Variants in PITPNC1 observed in about 807,000 individuals in gnomAD.
PITPNC1 encodes cytoplasmic phosphatidylinositol transfer protein 1.
A neutral mutation model predicts 44.7 loss-of-function variants in PITPNC1; 18 were observed. The observed-to-expected ratio is 0.40, with a 90% CI of 0.28 to 0.60. The LOEUF (loss-of-function observed/expected upper bound fraction) is 0.60. Among genes scored for constraint, PITPNC1 ranks in the 20% least tolerant of loss-of-function variants. The pLI is 0.39. For synonymous variants in PITPNC1, 141 were observed against 149.6 expected (o/e 0.94, Z 0.42); for missense variants, 290 against 418.4 (o/e 0.69, Z 2.68).
chr17:67,647,933 G>A (rs2042170725), intron 6 of PITPNC1, among the ~76,000 whole-genome samples: 2 of 152,182 alleles, frequency 1.3e-5, no homozygotes, highest in South Asian at 2.1e-4. Context: ...ACAGCCTGAA[G>A]AATCCACTCA....
At chr17:67,484,765 T>G (rs1030662087) in intron 1 of PITPNC1, among the ~76,000 whole-genome samples, 1 of 152,000 alleles carries the variant, frequency 6.6e-6, no homozygotes, top group African/African-American at 2.4e-5. Context: ...TGGTGAAACC[T>G]AGACTCTACT....
chr17:67,394,179 A>C (rs1321656524), intron 1 of PITPNC1, among the ~76,000 whole-genome samples: 3 of 152,010 alleles, frequency 2.0e-5, no homozygotes. Flanking sequence ...TGATTCTTAG[A>C]TCAAAAGCAG....
chr17:67,486,284 A>G (rs1598732190), intron 1 of PITPNC1, among the ~76,000 whole-genome samples: 1 of 152,170 alleles, frequency 6.6e-6, no homozygotes, highest in Non-Finnish European at 1.5e-5. Context: ...AACACTCAAT[A>G]TATATTGATG....
At chr17:67,510,360 C>G (rs1301674853) in intron 1 of PITPNC1, among the ~76,000 whole-genome samples, 1 of 152,238 alleles carries the variant, frequency 6.6e-6, no homozygotes, top group Non-Finnish European at 1.5e-5. Flanking sequence ...TGCCTTGTCA[C>G]TAATCCCTGC....
chr17:67,586,354 G>A lies in PITPNC1; in HGVS notation c.366+8097G>A, dbSNP rs561822859. Among the ~76,000 whole-genome samples the A allele has an allele frequency of 9.9e-5, 15 of 151,690 alleles. 1 individual carries two copies. The South Asian group carries it at 1.5e-3, about 15-fold the overall frequency. ...TTCCAGCACTTTGGGAGGCTGAAGC[G>A]GGCAGATTACCTGAGGTCAGGAGTT... On this transcript the variant is annotated intron_variant, in intron 5 of 8. Transcript: ENST00000581322.
intron 1 of PITPNC1, among the ~76,000 whole-genome samples, chr17:67,378,718 C>G (rs1413758097): frequency 1.3e-5 from 2 of 152,210 alleles, no homozygotes; most frequent in African/African-American, 4.8e-5. Context: ...GGCCCGACTT[C>G]TCGCCGTCGC....
chr17:67,617,700 C>A (rs1011512522), intron 5 of PITPNC1, among the ~76,000 whole-genome samples: 1 of 152,094 alleles, frequency 6.6e-6, no homozygotes, highest in African/African-American at 2.4e-5. Flanking sequence ...TGGCTCCAGG[C>A]GTTTCTTGGC....
At chr17:67,606,672 G>A (rs902409879) in intron 5 of PITPNC1, among the ~76,000 whole-genome samples, 1 of 152,086 alleles carries the variant, frequency 6.6e-6, no homozygotes, top group African/African-American at 2.4e-5. Context: ...ATATTAAACA[G>A]GCATAGAGCC....
At chr17:67,419,934 G>C (rs2038647223) in intron 1 of PITPNC1, among the ~76,000 whole-genome samples, 1 of 151,792 alleles carries the variant, frequency 6.6e-6, no homozygotes, top group South Asian at 2.1e-4. Flanking sequence ...AAAAGAGAGA[G>C]AGAGAGAAAA....
intron 1 of PITPNC1, among the ~76,000 whole-genome samples, chr17:67,403,218 CAAAAAAA>C (rs34768084): frequency 2.9e-5 from 2 of 68,974 alleles, no homozygotes; most frequent in Admixed American, 2.2e-4. Context: ...CTCATCTCTA[CAAAAAAA>C]AAAAAAAAAA....
At position 67,521,379 on chromosome 17, in the gene PITPNC1, C is replaced by T. The variant is rs569181934; in HGVS notation, c.49-11423C>T. 2.6e-4 allele frequency among the ~76,000 whole-genome samples: 39 copies of T among 152,176 alleles called. 1 individual carries two copies. The South Asian group carries it at 6.9e-3, about 27-fold the overall frequency. ...CCCTGGCATAATGACACAGGTATTACGTAAACAAGACACCTCCGAGGGCTG... is the reference window on the plus strand; with the variant it reads ...CCCTGGCATAATGACACAGGTATTATGTAAACAAGACACCTCCGAGGGCTG... On this transcript the variant is annotated intron_variant, in intron 1 of 8. Transcript: ENST00000581322.
intron 1 of PITPNC1, chr17:67,408,748 T>TTCTC (rs1567978491): frequency 3.4e-5 from 5 of 146,574 alleles, no homozygotes; most frequent in African/African-American, 1.3e-4. Context: ...CTTTCTCTCT[T>TTCTC]TCTTTCTTTC....
At chr17:67,582,598 A>AT (rs1435949942) in intron 5 of PITPNC1, among the ~76,000 whole-genome samples, 1 of 149,762 alleles carries the variant, frequency 6.7e-6, no homozygotes, top group Admixed American at 6.7e-5. Flanking sequence ...AAAAAAAAAA[A>AT]TAGTGGCAGT....
At chr17:67,546,446 C>T (rs998723986) in intron 2 of PITPNC1, among the ~76,000 whole-genome samples, 3 of 152,048 alleles carry the variant, frequency 2.0e-5, no homozygotes, top group Admixed American at 6.5e-5. Context: ...CTCATGCTAC[C>T]GGGCCCCTCT....
At chr17:67,617,293 G>A (rs2144305322) in intron 5 of PITPNC1, among the ~76,000 whole-genome samples, 1 of 152,322 alleles carries the variant, frequency 6.6e-6, no homozygotes, top group East Asian at 1.9e-4. Context: ...ATCACTTGAG[G>A]TCAGGAGTTT....
intron 1 of PITPNC1, among the ~76,000 whole-genome samples, chr17:67,432,214 G>C (rs1208021599): frequency 6.6e-6 from 1 of 152,218 alleles, no homozygotes; most frequent in Non-Finnish European, 1.5e-5. Flanking sequence ...CACTGGCCGG[G>C]TGCGGTGGCT....
intron 2 of PITPNC1, among the ~76,000 whole-genome samples, chr17:67,549,394 C>T (rs1170294491): frequency 6.6e-6 from 1 of 152,172 alleles, no homozygotes; most frequent in Non-Finnish European, 1.5e-5. Flanking sequence ...AGAAGAGTTC[C>T]ATAAAATATC....
chr17:67,382,629 G>C (rs571421019), intron 1 of PITPNC1, among the ~76,000 whole-genome samples: 2 of 151,948 alleles, frequency 1.3e-5, no homozygotes, highest in East Asian at 1.9e-4. Context: ...TTGTTTGTTT[G>C]TTTCTTTTTC....
intron 1 of PITPNC1, among the ~76,000 whole-genome samples, chr17:67,441,445 G>A (rs186409356): frequency 2.0e-5 from 3 of 152,272 alleles, no homozygotes; most frequent in Admixed American, 2.0e-4. Context: ...TGTACATATC[G>A]TGTGAGACGG....
Sources: gnomAD v4.1 joint callset for allele counts (sites outside exome capture counted in the v4.1 genomes callset) on GRCh38, gnomAD v4.1.1 for gene constraint, MANE v1.5 for transcripts, NCBI Gene and HGNC (gene_info 2026-07-23, HGNC 2026-07-21) for gene names.